Variants in PIK3AP1 observed in about 807,000 individuals in gnomAD.
The protein encoded by PIK3AP1 is phosphoinositide 3-kinase adapter protein 1.
A neutral mutation model predicts 88.1 loss-of-function variants in PIK3AP1; 21 were observed. The observed-to-expected ratio is 0.24, with a 90% CI of 0.17 to 0.34. The LOEUF (loss-of-function observed/expected upper bound fraction) is 0.34, where lower values mean the gene tolerates loss of function less well. Ranked by LOEUF, PIK3AP1 falls within the 10% of genes least tolerant of loss-of-function variation. PIK3AP1 has a pLI of 1.00. For synonymous variants in PIK3AP1, 398 were observed against 400.0 expected (o/e 1.00, Z 0.06); for missense variants, 828 against 1,035.7 (o/e 0.80, Z 2.75).
intron 2 of PIK3AP1, among the ~76,000 whole-genome samples, chr10:96,662,956 G>GATAA (rs149031606): frequency 0.057 from 7,539 of 132,438 alleles, 652 homozygotes; most frequent in African/African-American, 0.2. Flanking sequence ...AAATTAAATA[G>GATAA]ATAAATAAAA....
Position 96,602,325 on chromosome 10 carries a change from G to A in PIK3AP1, c.2315C>T (p.Ser772Phe), listed in dbSNP as rs1182064696. 2 of 1,611,048 alleles carry A rather than the reference G, an allele frequency of 1.2e-6. No homozygotes were observed. Among genetic ancestry groups the A allele is most frequent in the African/African-American group, 1.3e-5 (1 of 74,714 alleles). ...AGGCACCCTGGGGGGTCTCTCGAGG[G>A]ACATGGTGGGTGTCCCATCCACTTG... Reference protein sequence around the residue: ...PPQVDGTPTMSLERPPRVPPR... With the variant: ...PPQVDGTPTMFLERPPRVPPR... The change falls in exon 16 of 17, where the codon TCC becomes TTC. Residue 772 changes from serine to phenylalanine, a missense_variant. Physicochemically the swap from Ser to Phe is radical, Grantham distance 155. Coordinates refer to ENST00000339364, the MANE Select transcript of PIK3AP1 (RefSeq NM_152309.3).
intron 2 of PIK3AP1, among the ~76,000 whole-genome samples, chr10:96,675,104 G>A (rs1843899821): frequency 6.6e-6 from 1 of 152,064 alleles, no homozygotes; most frequent in Non-Finnish European, 1.5e-5. Flanking sequence ...TGTTGACCAG[G>A]CTGGCCTTGA....
chr10:96,650,616 G>A (rs776746765), intron 6 of PIK3AP1, among the ~76,000 whole-genome samples: 10 of 152,202 alleles, frequency 6.6e-5, no homozygotes, highest in African/African-American at 2.2e-4. Flanking sequence ...GCTGGTGGTC[G>A]GGGGGTGCCA....
chr10:96,662,272 G>A (rs1843697777), intron 2 of PIK3AP1, among the ~76,000 whole-genome samples: 1 of 152,122 alleles, frequency 6.6e-6, no homozygotes, highest in Non-Finnish European at 1.5e-5. Context: ...ACAATATGTT[G>A]TTTTATATAA....
chr10:96,634,133 A>C (rs1266895142), intron 8 of PIK3AP1, among the ~76,000 whole-genome samples: 1 of 151,986 alleles, frequency 6.6e-6, no homozygotes, highest in Non-Finnish European at 1.5e-5. Context: ...CAGCTCTTTC[A>C]CCCCTGCTGG....
intron 14 of PIK3AP1, among the ~76,000 whole-genome samples, chr10:96,607,047 T>G (rs1849014985): frequency 6.6e-6 from 1 of 152,224 alleles, no homozygotes; most frequent in South Asian, 2.1e-4. Context: ...GGCGCTTGAA[T>G]TTTTAGTTAT....
chr10:96,633,658 T>C (rs1001324516), intron 8 of PIK3AP1, among the ~76,000 whole-genome samples: 28 of 152,238 alleles, frequency 1.8e-4, no homozygotes, highest in Non-Finnish European at 4.0e-4. Flanking sequence ...AATTTACACT[T>C]CTTTAAACAG....
chr10:96,645,793 A>G (rs1843451425), intron 7 of PIK3AP1, 131 bp from the exon 8 acceptor site: 3 of 728,766 alleles, frequency 4.1e-6, no homozygotes, highest in South Asian at 2.1e-5. Context: ...GGTTGTGTGT[A>G]TTTGTATTTT....
chr10:96,599,835 C>T (rs1265492324), intron 16 of PIK3AP1, among the ~76,000 whole-genome samples: 10 of 152,132 alleles, frequency 6.6e-5, no homozygotes, highest in Admixed American at 6.5e-4. Context: ...AAAATGTTTT[C>T]CTCCTTTTCT....
chr10:96,657,680 C>T (rs905115873), intron 2 of PIK3AP1, among the ~76,000 whole-genome samples: 3 of 143,622 alleles, frequency 2.1e-5, no homozygotes, highest in African/African-American at 7.8e-5. Context: ...TGTGTGTGTG[C>T]ATGCACATGT....
intron 12 of PIK3AP1, chr10:96,618,596 AAAAAAAAAG>A (rs1357946558): frequency 6.6e-6 from 1 of 152,614 alleles, no homozygotes; most frequent in East Asian, 1.9e-4. Flanking sequence ...ATGTAAAAAA[AAAAAAAAAG>A]AAAAAAAGAA....
intron 13 of PIK3AP1, among the ~76,000 whole-genome samples, chr10:96,614,454 C>T (rs1849181861): frequency 6.6e-6 from 1 of 151,586 alleles, no homozygotes. Context: ...CAAGTGTGAA[C>T]TCAGCCACCG....
At chr10:96,604,186 C>A in intron 14 of PIK3AP1, 137 bp from the exon 15 acceptor site, 1 of 705,130 alleles carries the variant, frequency 1.4e-6, no homozygotes. Flanking sequence ...AAACTTTGGC[C>A]ATCTTATACT....
At chr10:96,600,835 C>T (rs1183932690) in intron 16 of PIK3AP1, among the ~76,000 whole-genome samples, 1 of 152,172 alleles carries the variant, frequency 6.6e-6, no homozygotes, top group African/African-American at 2.4e-5. Flanking sequence ...TTTTAAACAT[C>T]GAAGAGTTAA....
At chr10:96,663,237 T>C (rs1452561288) in intron 2 of PIK3AP1, among the ~76,000 whole-genome samples, 1 of 152,124 alleles carries the variant, frequency 6.6e-6, no homozygotes, top group Non-Finnish European at 1.5e-5. Context: ...AAATGGATTA[T>C]GGTGAATATT....
intron 1 of PIK3AP1, among the ~76,000 whole-genome samples, chr10:96,716,039 G>A (rs1844498005): frequency 6.6e-6 from 1 of 152,120 alleles, no homozygotes; most frequent in African/African-American, 2.4e-5. Flanking sequence ...CCAGCACTTT[G>A]GGAGGCCAAT....
At chr10:96,715,826 CT>C (rs1387657206) in intron 1 of PIK3AP1, among the ~76,000 whole-genome samples, 1 of 148,946 alleles carries the variant, frequency 6.7e-6, no homozygotes, top group Non-Finnish European at 1.5e-5. Context: ...GGAGGCGGAG[CT>C]TGCAGTGAGC....
chr10:96,706,355 G>C (rs1844364283), intron 2 of PIK3AP1, among the ~76,000 whole-genome samples: 1 of 152,204 alleles, frequency 6.6e-6, no homozygotes, highest in Non-Finnish European at 1.5e-5. Context: ...AAAACCTCAT[G>C]TATGCAAGAG....
At chr10:96,703,425 T>C (rs186760674) in intron 2 of PIK3AP1, among the ~76,000 whole-genome samples, 14 of 152,300 alleles carry the variant, frequency 9.2e-5, no homozygotes, top group African/African-American at 3.1e-4. Flanking sequence ...GTAATACTAT[T>C]AATAAATAAT....
Sources: gnomAD v4.1 joint callset for allele counts (sites outside exome capture counted in the v4.1 genomes callset) on GRCh38, gnomAD v4.1.1 for gene constraint, MANE v1.5 for transcripts, NCBI Gene and HGNC (gene_info 2026-07-23, HGNC 2026-07-21) for gene names.